AGBL1: variants seen among roughly 807,000 people sequenced by gnomAD.
AGBL1 encodes cytosolic carboxypeptidase 4.
AGBL1 carries 130 observed loss-of-function variants against 118.9 expected under a neutral mutation model. The ratio of observed to expected loss-of-function variants is 1.09; its 90% CI spans 0.95 to 1.26. The LOEUF is 1.26. AGBL1 is among the 50% of genes most tolerant of loss of function. The pLI is 0.00. For synonymous variants in AGBL1, 555 were observed against 478.9 expected (o/e 1.16, Z -2.08); for missense variants, 1,584 against 1,298.1 (o/e 1.22, Z -3.38).
In AGBL1 at chr15:86,320,283, A is replaced by G. The variant is rs184122849; in HGVS notation, c.2374+24875A>G. 3.8e-3 allele frequency among the ~76,000 whole-genome samples: 581 copies of G among 152,190 alleles called. 7 individuals carry two copies. Among genetic ancestry groups the G allele is most frequent in the African/African-American group, 0.013 (543 of 41,550 alleles). On this transcript the variant is annotated intron_variant, in intron 17 of 22. Transcript: ENST00000614907. ...TTTCACCATTAAGTAAGATTCTACA[A>G]TTGGTTTCATAAAATTTTATTTTTT...
chr15:86,198,115 C>A (rs1470286058), intron 5 of AGBL1, among the ~76,000 whole-genome samples: 1 of 152,142 alleles, frequency 6.6e-6, no homozygotes, highest in African/African-American at 2.4e-5. Flanking sequence ...GGATTATGCT[C>A]CAGCCTTAAA....
intron 21 of AGBL1, among the ~76,000 whole-genome samples, chr15:86,607,348 G>T (rs1322047871): frequency 6.6e-6 from 1 of 152,136 alleles, no homozygotes; most frequent in East Asian, 1.9e-4. Flanking sequence ...TCATTCTCTT[G>T]AATGAACCTC....
chr15:86,453,087 T>C (rs1330637171), intron 18 of AGBL1, among the ~76,000 whole-genome samples: 1 of 152,216 alleles, frequency 6.6e-6, no homozygotes, highest in Admixed American at 6.5e-5. Context: ...TTCGCCCTTT[T>C]CTCTATGGTA....
At chr15:86,736,694 T>A (rs1447243593) in intron 22 of AGBL1, among the ~76,000 whole-genome samples, 2 of 152,112 alleles carry the variant, frequency 1.3e-5, no homozygotes, top group African/African-American at 4.8e-5. Flanking sequence ...CTTTTAATAT[T>A]CATGTAAAAT....
chr15:86,828,903 A>G (rs1276960012), intron 22 of AGBL1, among the ~76,000 whole-genome samples: 2 of 89,898 alleles, frequency 2.2e-5, no homozygotes, highest in Non-Finnish European at 4.6e-5. Context: ...ATATGGTCAT[A>G]AAGTTCAAAA....
In AGBL1 at chr15:86,190,437, ATTC is replaced by A. The variant is rs565834351; in HGVS notation, c.488+31415_488+31417del. On this transcript the variant is annotated intron_variant, in intron 5 of 22. Coordinates refer to ENST00000614907, the MANE Select transcript of AGBL1 (RefSeq NM_001386094.1). Reference sequence around the variant, plus strand: ...AATATATGATTTCAAGTAAACATCTATTCTTCATATTTTATGTTAAAGTAATAA... The same window carrying A: ...AATATATGATTTCAAGTAAACATCTATTCATATTTTATGTTAAAGTAATAA... 1.9e-3 allele frequency among the ~76,000 whole-genome samples: 294 copies of A among 152,278 alleles called. 1 individual carries two copies. The highest frequency in any genetic ancestry group is 6.9e-3 in the African/African-American group (285 of 41,558).
At chr15:86,961,482 G>A (rs2080992046) in intron 23 of AGBL1, among the ~76,000 whole-genome samples, 1 of 152,012 alleles carries the variant, frequency 6.6e-6, no homozygotes, top group Non-Finnish European at 1.5e-5. Flanking sequence ...GAGACCCAGA[G>A]CCAGCAAACG....
At chr15:86,486,316 C>T (rs2082712526) in intron 18 of AGBL1, among the ~76,000 whole-genome samples, 1 of 152,106 alleles carries the variant, frequency 6.6e-6, no homozygotes, top group South Asian at 2.1e-4. Flanking sequence ...CCTTCTATTT[C>T]CATATTCTTC....
At chr15:86,196,879 G>GCACGCGCACACA (rs2077819325) in intron 5 of AGBL1, among the ~76,000 whole-genome samples, 1 of 116,962 alleles carries the variant, frequency 8.5e-6, no homozygotes, top group African/African-American at 3.6e-5. Flanking sequence ...GCGCGCGCGC[G>GCACGCGCACACA]CACACACACA....
intron 18 of AGBL1, among the ~76,000 whole-genome samples, chr15:86,444,610 G>A (rs2082100201): frequency 6.6e-6 from 1 of 152,118 alleles, no homozygotes; most frequent in African/African-American, 2.4e-5. Flanking sequence ...AGGATTCTTG[G>A]GAGCATTGTC....
intron 22 of AGBL1, among the ~76,000 whole-genome samples, chr15:86,713,611 A>G (rs1037855901): frequency 6.6e-6 from 1 of 152,150 alleles, no homozygotes; most frequent in African/African-American, 2.4e-5. Flanking sequence ...CTAACTAGGG[A>G]GTGATCTAAT....
At chr15:86,723,136 C>A (rs2086755363) in intron 22 of AGBL1, among the ~76,000 whole-genome samples, 1 of 152,160 alleles carries the variant, frequency 6.6e-6, no homozygotes, top group African/African-American at 2.4e-5. Flanking sequence ...CCATTTGACC[C>A]AGCCATCCCA....
intron 22 of AGBL1, among the ~76,000 whole-genome samples, chr15:86,850,577 C>T (rs1273611225): frequency 6.6e-6 from 1 of 152,130 alleles, no homozygotes; most frequent in Non-Finnish European, 1.5e-5. Flanking sequence ...CCATCTTCCT[C>T]CCACCCTCAT....
chr15:86,901,731 T>C (rs548879794), intron 22 of AGBL1, among the ~76,000 whole-genome samples: 8 of 152,154 alleles, frequency 5.3e-5, no homozygotes, highest in African/African-American at 1.9e-4. Context: ...AAATAGTTTA[T>C]AATTTTCTTT....
At chr15:86,238,860 G>A (rs535656842) in intron 6 of AGBL1, among the ~76,000 whole-genome samples, 3 of 151,982 alleles carry the variant, frequency 2.0e-5, no homozygotes, top group Non-Finnish European at 2.9e-5. Context: ...TCACTCTGTT[G>A]TCCAGGCTGG....
intron 22 of AGBL1, among the ~76,000 whole-genome samples, chr15:86,861,187 T>C (rs958822007): frequency 5.3e-5 from 8 of 152,202 alleles, no homozygotes; most frequent in Non-Finnish European, 1.2e-4. Context: ...ATCTATTTTC[T>C]CTTCAGTTTC....
At chr15:86,518,790 C>T (rs2083152682) in intron 18 of AGBL1, among the ~76,000 whole-genome samples, 1 of 151,838 alleles carries the variant, frequency 6.6e-6, no homozygotes, top group Non-Finnish European at 1.5e-5. Flanking sequence ...CTCTGTACCA[C>T]CTTCTAAAAT....
chr15:86,780,467 T>C (rs2078319491), intron 22 of AGBL1, among the ~76,000 whole-genome samples: 1 of 152,196 alleles, frequency 6.6e-6, no homozygotes, highest in African/African-American at 2.4e-5. Context: ...TGCATTTTCA[T>C]GTAAAAATTT....
At chr15:86,636,212 C>T (rs1311146028) in intron 21 of AGBL1, among the ~76,000 whole-genome samples, 1 of 152,080 alleles carries the variant, frequency 6.6e-6, no homozygotes, top group Non-Finnish European at 1.5e-5. Flanking sequence ...CCCACTTCTA[C>T]AAATTTTATA....
Sources: gnomAD v4.1 joint callset for allele counts (sites outside exome capture counted in the v4.1 genomes callset) on GRCh38, gnomAD v4.1.1 for gene constraint, MANE v1.5 for transcripts, NCBI Gene and HGNC (gene_info 2026-07-23, HGNC 2026-07-21) for gene names.